Variants in MAGI1 observed in about 807,000 individuals in gnomAD.
The protein encoded by MAGI1 is membrane-associated guanylate kinase, WW and PDZ domain-containing protein 1.
In MAGI1, 58 loss-of-function variants were observed where a neutral mutation model predicts 139.9. The ratio of observed to expected loss-of-function variants is 0.41; its 90% confidence interval spans 0.34 to 0.52. The LOEUF (loss-of-function observed/expected upper bound fraction) is 0.52. Among genes scored for constraint, MAGI1 ranks in the 20% least tolerant of loss-of-function variants. The pLI is 0.12. For missense variants in MAGI1, 1,874 were observed against 1,901.6 expected (o/e 0.99, Z 0.27); for synonymous variants, 812 against 737.9 (o/e 1.10, Z -1.63).
intron 1 of MAGI1, among the ~76,000 whole-genome samples, chr3:66,034,999 G>T (rs1260886157): frequency 6.6e-6 from 1 of 152,076 alleles, no homozygotes; most frequent in Non-Finnish European, 1.5e-5. Flanking sequence ...TGCATACATC[G>T]CTTAAAACTC....
chr3:65,432,398 G>A (rs2107355165), intron 10 of MAGI1, among the ~76,000 whole-genome samples: 2 of 152,260 alleles, frequency 1.3e-5, no homozygotes, highest in Admixed American at 1.3e-4. Context: ...ACCTAGGAAA[G>A]AAAGTTATTT....
Position 65,356,652 on chromosome 3 carries a change from C to G in MAGI1, c.4115G>C (p.Arg1372Pro), listed in dbSNP as rs778476779. The change falls in exon 23 of 23, where the codon CGG (arginine) becomes CCG (proline). Residue 1372 changes from arginine (R) to proline (P), a missense_variant. Transcript: ENST00000402939. ...CTGCTCCAGGAGTCTCTCCAGAGAC[C>G]GTCTCCGCCGGCTGGGGGAGCCGTC... is the stretch of plus-strand genomic sequence containing the variant. ...RRDGSPSRRR[R>P]SLERLLEQRR... The G allele has an allele frequency of 6.9e-6, 11 of 1,583,066 alleles. No individual in the cohort carries two copies. The highest frequency in any genetic ancestry group is 9.4e-6 in the Non-Finnish European group (11 of 1,166,098).
At chr3:65,530,766 T>TATACAC (rs2078652689) in intron 2 of MAGI1, among the ~76,000 whole-genome samples, 4 of 16,326 alleles carry the variant, frequency 2.5e-4, no homozygotes, top group Middle Eastern at 0.036. Flanking sequence ...CGTATATATA[T>TATACAC]ATATATACAC....
intron 1 of MAGI1, among the ~76,000 whole-genome samples, chr3:65,906,062 G>C (rs555082781): frequency 1.8e-4 from 27 of 152,268 alleles, no homozygotes; most frequent in African/African-American, 6.5e-4. Flanking sequence ...CTATATTTGA[G>C]CATGTGTTTT....
intron 12 of MAGI1, among the ~76,000 whole-genome samples, chr3:65,428,948 A>G (rs1258614917): frequency 6.6e-6 from 1 of 152,058 alleles, no homozygotes; most frequent in Non-Finnish European, 1.5e-5. Flanking sequence ...AAAGGGCCTG[A>G]GGCAAGAAAA....
intron 2 of MAGI1, among the ~76,000 whole-genome samples, chr3:65,550,192 T>A (rs1463731533): frequency 6.6e-6 from 1 of 152,206 alleles, no homozygotes; most frequent in Admixed American, 6.5e-5. Flanking sequence ...ATCTGATGCA[T>A]CTCACCCTCA....
chr3:65,750,410 C>G (rs542289226), intron 1 of MAGI1, among the ~76,000 whole-genome samples: 4 of 152,280 alleles, frequency 2.6e-5, no homozygotes, highest in African/African-American at 9.6e-5. Context: ...AAAAAATCTA[C>G]CATTACAATC....
At chr3:65,987,347 G>A (rs1401835956) in intron 1 of MAGI1, among the ~76,000 whole-genome samples, 3 of 152,132 alleles carry the variant, frequency 2.0e-5, no homozygotes, top group Non-Finnish European at 2.9e-5. Flanking sequence ...CATCAGTACC[G>A]ACCCCTCAGG....
intron 1 of MAGI1, among the ~76,000 whole-genome samples, chr3:65,754,679 A>G (rs1330295356): frequency 6.6e-6 from 1 of 152,232 alleles, no homozygotes; most frequent in African/African-American, 2.4e-5. Flanking sequence ...GCTTTGGAGA[A>G]GGCCCACTGG....
At chr3:65,949,213 T>C (rs2063680592) in intron 1 of MAGI1, among the ~76,000 whole-genome samples, 1 of 152,210 alleles carries the variant, frequency 6.6e-6, no homozygotes, top group South Asian at 2.1e-4. Flanking sequence ...ACCTGCATAA[T>C]AAACCTGTGC....
rs1940095491 is a variant in MAGI1 at position 65,353,887 on chromosome 3, C to G, written c.*2491G>C. 1 of 152,166 alleles carries G rather than the reference C, an allele frequency of 6.6e-6. No individual in the cohort carries two copies. Among genetic ancestry groups the G allele is most frequent in the African/African-American group, 2.4e-5 (1 of 41,446 alleles). 9.4% of individuals were successfully genotyped at this position (152,166 alleles called of 1,614,324 possible). A position where few individuals can be genotyped will look rare whatever the true frequency, so the allele number is the denominator to read the frequency against. On this transcript the variant is annotated 3_prime_UTR_variant, in exon 23 of 23. Coordinates refer to ENST00000402939, the MANE Select transcript of MAGI1 (RefSeq NM_001033057.2). ...TACAGTACAATATTTCCAAACAAAT[C>G]TGATGTGTGGAATTCAGGTGAAACT...
chr3:65,640,218 C>G (rs559879062), intron 1 of MAGI1, among the ~76,000 whole-genome samples: 1 of 152,136 alleles, frequency 6.6e-6, no homozygotes, highest in South Asian at 2.1e-4. Flanking sequence ...ATCTCCTTCT[C>G]TCTATATATA....
chr3:65,504,729 T>A (rs2077211225), intron 2 of MAGI1, among the ~76,000 whole-genome samples: 1 of 152,188 alleles, frequency 6.6e-6, no homozygotes, highest in African/African-American at 2.4e-5. Context: ...ACCTCTTTGA[T>A]CCCAAACCTA....
chr3:66,022,512 T>G (rs2068019059), intron 1 of MAGI1, among the ~76,000 whole-genome samples: 2 of 152,228 alleles, frequency 1.3e-5, no homozygotes, highest in South Asian at 4.1e-4. Context: ...GGCTCATAGA[T>G]TCAAATAGGC....
intron 1 of MAGI1, among the ~76,000 whole-genome samples, chr3:65,811,957 T>A (rs62244037): frequency 0.6 from 89,505 of 150,328 alleles, 26,928 homozygotes; most frequent in East Asian, 0.73. Context: ...TGTGTGTGTG[T>A]GTGAGAGAGA....
intron 4 of MAGI1, among the ~76,000 whole-genome samples, chr3:65,474,484 T>C (rs1248311353): frequency 6.6e-6 from 1 of 152,170 alleles, no homozygotes; most frequent in Non-Finnish European, 1.5e-5. Flanking sequence ...GGGAAGTTAA[T>C]ATATGGATTG....
intron 2 of MAGI1, among the ~76,000 whole-genome samples, chr3:65,524,323 C>G (rs906054175): frequency 2.6e-5 from 4 of 152,134 alleles, no homozygotes; most frequent in African/African-American, 4.8e-5. Flanking sequence ...ATAGGTAAAA[C>G]AGAAGTACTC....
intron 1 of MAGI1, among the ~76,000 whole-genome samples, chr3:65,707,936 G>A (rs1283553584): frequency 2.0e-5 from 3 of 152,146 alleles, no homozygotes; most frequent in African/African-American, 7.2e-5. Flanking sequence ...GTAACTGTGT[G>A]AAGAATATAA....
chr3:65,736,740 G>C (rs1192441558), intron 1 of MAGI1, among the ~76,000 whole-genome samples: 2 of 152,206 alleles, frequency 1.3e-5, no homozygotes, highest in Non-Finnish European at 2.9e-5. Context: ...ACTGGATGAT[G>C]CCCATCCACA....
Sources: gnomAD v4.1 joint callset for allele counts (sites outside exome capture counted in the v4.1 genomes callset) on GRCh38, gnomAD v4.1.1 for gene constraint, MANE v1.5 for transcripts, NCBI Gene and HGNC (gene_info 2026-07-23, HGNC 2026-07-21) for gene names.